The following FBXW11 variants were observed in gnomAD, a reference collection of about 807,000 sequenced individuals.
FBXW11 encodes the protein F-box and WD repeat domain containing 11.
A neutral mutation model predicts 77.6 loss-of-function variants in FBXW11; 19 were observed. That is an observed-to-expected ratio of 0.24 (90% confidence interval 0.17 to 0.36). FBXW11 has a LOEUF of 0.36. Ranked by LOEUF, FBXW11 falls within the 10% of genes least tolerant of loss-of-function variation. FBXW11 has a pLI of 1.00. For missense variants in FBXW11, 334 were observed against 704.2 expected (o/e 0.47, Z 5.95); for synonymous variants, 235 against 249.4 (o/e 0.94, Z 0.54).
Position 171,868,805 on chromosome 5 carries a change from T to C in FBXW11, c.1531-9A>G. ...ACACGTCCAGAATGTTCCTATGAAATACAAAACTTCATGAATAAAATGAGA... is the reference window on the plus strand; with the variant it reads ...ACACGTCCAGAATGTTCCTATGAAACACAAAACTTCATGAATAAAATGAGA... On this transcript the variant is annotated splice_polypyrimidine_tract_variant and intron_variant, in intron 12 of 13. Coordinates refer to ENST00000517395, the MANE Select transcript of FBXW11 (RefSeq NM_001378974.1). 1 of 1,607,152 alleles carries C rather than the reference T, an allele frequency of 6.2e-7. No homozygotes were observed. Among genetic ancestry groups the C allele is most frequent in the Non-Finnish European group, 8.5e-7 (1 of 1,177,316 alleles).
At chr5:171,930,274 C>T (rs181160980) in intron 2 of FBXW11, among the ~76,000 whole-genome samples, 9 of 152,240 alleles carry the variant, frequency 5.9e-5, no homozygotes, top group African/African-American at 1.7e-4. Flanking sequence ...GGAGAATTTC[C>T]TCAACGTGAT....
chr5:171,867,442 C>G (rs544911448), intron 13 of FBXW11, among the ~76,000 whole-genome samples: 1 of 150,678 alleles, frequency 6.6e-6, no homozygotes, highest in East Asian at 1.9e-4. Context: ...CTATTCTTAG[C>G]CTGTGGAGAC....
chr5:171,933,130 C>CAAAA (rs774171489), intron 2 of FBXW11, among the ~76,000 whole-genome samples: 2 of 36,792 alleles, frequency 5.4e-5, no homozygotes, highest in Non-Finnish European at 1.0e-4. Context: ...GACCTTCTCT[C>CAAAA]AAAAAAAAAA....
chr5:171,889,490 T>C lies in FBXW11; in HGVS notation c.852+1977A>G, dbSNP rs1344468459. On this transcript the variant is annotated intron_variant, in intron 7 of 13. Transcript: ENST00000517395. ...TTGCAGTGAGCCGAGATCATGCCAC[T>C]GCACTCCAGCCTGGGTGACAGAGTG... 2.2e-5 allele frequency among the ~76,000 whole-genome samples: 3 copies of C among 138,776 alleles called. No individual in the cohort carries two copies. In the East Asian group the frequency reaches 6.3e-4, roughly 29 times the overall value. The allele number at this position is 138,776 out of a possible 152,430, so 91.0% of individuals were successfully genotyped here.
At position 172,002,026 on chromosome 5, in the gene FBXW11, C is replaced by T. The variant is rs1766439625; in HGVS notation, c.45+4432G>A. Among the ~76,000 whole-genome samples, 3 of 152,168 alleles carry T rather than the reference C, an allele frequency of 2.0e-5. No homozygotes were observed. In the South Asian group the frequency reaches 6.2e-4, roughly 32 times the overall value. On this transcript the variant is annotated intron_variant, in intron 1 of 13. Coordinates refer to ENST00000517395, the MANE Select transcript of FBXW11 (RefSeq NM_001378974.1). ...AGGGAGAATGGAATACAAAGGAAGACTGGAATTGGAATCACTAGGACTTAA... is the reference window on the plus strand; with the variant it reads ...AGGGAGAATGGAATACAAAGGAAGATTGGAATTGGAATCACTAGGACTTAA...
intron 1 of FBXW11, among the ~76,000 whole-genome samples, chr5:171,992,512 AAG>A (rs369865219): frequency 3.1e-4 from 47 of 151,874 alleles, no homozygotes; most frequent in African/African-American, 1.1e-3. Flanking sequence ...GAGAGAAAGA[AAG>A]AGAAAGAGAA....
chr5:171,952,414 TGTAC>T (rs1294169357), intron 2 of FBXW11, among the ~76,000 whole-genome samples: 3 of 76,500 alleles, frequency 3.9e-5, no homozygotes, highest in African/African-American at 1.1e-4. Flanking sequence ...GTGTGTTGTG[TGTAC>T]ATACATATAT....
At chr5:171,878,404 T>C (rs1387642694) in intron 7 of FBXW11, among the ~76,000 whole-genome samples, 1 of 152,138 alleles carries the variant, frequency 6.6e-6, no homozygotes, top group Non-Finnish European at 1.5e-5. Context: ...TTCTTAAAAA[T>C]AAAATCTGTG....
At chr5:171,880,823 A>C (rs1758449398) in intron 7 of FBXW11, among the ~76,000 whole-genome samples, 1 of 152,050 alleles carries the variant, frequency 6.6e-6, no homozygotes, top group South Asian at 2.1e-4. Context: ...CAGCCTCCTG[A>C]GTAGCAGGAC....
intron 3 of FBXW11, among the ~76,000 whole-genome samples, chr5:171,913,812 C>CAT: frequency 7.6e-6 from 1 of 132,174 alleles, no homozygotes; most frequent in South Asian, 2.3e-4. Flanking sequence ...CCCAACCACA[C>CAT]ACACATACAC....
intron 7 of FBXW11, among the ~76,000 whole-genome samples, chr5:171,878,585 T>A (rs1333234364): frequency 1.5e-4 from 11 of 71,674 alleles, no homozygotes; most frequent in Non-Finnish European, 2.4e-4. Flanking sequence ...TGTGTGTGTG[T>A]GTGTGTAAGA....
chr5:171,983,535 G>A (rs1765267067), intron 1 of FBXW11, among the ~76,000 whole-genome samples: 1 of 152,080 alleles, frequency 6.6e-6, no homozygotes, highest in Admixed American at 6.6e-5. Context: ...CAATCTGTGG[G>A]ATCGGACACT....
At chr5:171,920,187 G>A (rs1761510922) in intron 2 of FBXW11, among the ~76,000 whole-genome samples, 1 of 151,748 alleles carries the variant, frequency 6.6e-6, no homozygotes, top group Admixed American at 6.6e-5. Context: ...AAGAAAAGAA[G>A]AGAAAACACA....
chr5:171,942,128 C>T (rs1440956298), intron 2 of FBXW11, among the ~76,000 whole-genome samples: 1 of 151,408 alleles, frequency 6.6e-6, no homozygotes, highest in Admixed American at 6.6e-5. Flanking sequence ...CCGAATGCTT[C>T]TCTCATGCTG....
intron 2 of FBXW11, among the ~76,000 whole-genome samples, chr5:171,915,648 T>TGTGTGTGTGTGTGTGTGTGTGA (rs1761180216): frequency 6.6e-6 from 1 of 151,084 alleles, no homozygotes; most frequent in South Asian, 2.1e-4. Context: ...TGTGTGTGTG[T>TGTGTGTGTGTGTGTGTGTGTGA]GTGAGCCTGA....
intron 2 of FBXW11, among the ~76,000 whole-genome samples, chr5:171,917,336 A>G (rs1458248831): frequency 6.6e-6 from 1 of 152,232 alleles, no homozygotes; most frequent in Non-Finnish European, 1.5e-5. Flanking sequence ...GAAACACAAG[A>G]AATGTCAGAC....
intron 1 of FBXW11, among the ~76,000 whole-genome samples, chr5:171,980,903 T>C (rs1404754192): frequency 6.6e-6 from 1 of 152,160 alleles, no homozygotes; most frequent in Non-Finnish European, 1.5e-5. Flanking sequence ...GAGGAGCATC[T>C]TTTGTTATTC....
chr5:171,890,167 T>C (rs2113838109), intron 7 of FBXW11, among the ~76,000 whole-genome samples: 1 of 152,212 alleles, frequency 6.6e-6, no homozygotes, highest in South Asian at 2.1e-4. Context: ...TATGTTCACA[T>C]ACCTATTAGA....
chr5:171,890,016 T>TA (rs1487860660), intron 7 of FBXW11, among the ~76,000 whole-genome samples: 4 of 151,548 alleles, frequency 2.6e-5, no homozygotes, highest in African/African-American at 9.7e-5. Context: ...AACTCAGTAA[T>TA]AAAAAAACAA....
Sources: allele counts gnomAD v4.1 joint callset (sites outside exome capture counted in the v4.1 genomes callset), GRCh38; gene constraint gnomAD v4.1.1; transcripts MANE v1.5; gene names NCBI Gene and HGNC (gene_info 2026-07-23, HGNC 2026-07-21).